The following MSRB3 variants were observed in gnomAD, a reference collection of about 807,000 sequenced individuals.
MSRB3 encodes the protein methionine-R-sulfoxide reductase B3.
In MSRB3, 13 loss-of-function variants were observed where a neutral mutation model predicts 21.0. That is an observed-to-expected ratio of 0.62 (90% CI 0.40 to 0.98). The LOEUF is 0.98. MSRB3 is among the 50% of genes least tolerant of loss of function. The pLI is 0.00. For synonymous variants in MSRB3, 87 were observed against 88.6 expected, an observed-to-expected ratio of 0.98 and a Z score of 0.10; for missense variants, 199 against 230.3, an observed-to-expected ratio of 0.86 and a Z score of 0.88.
chr12:65,454,053 T>G, intron 6 of MSRB3: 1 of 647,070 alleles, frequency 1.5e-6, no homozygotes, highest in South Asian at 1.8e-5. Flanking sequence ...GAGGGCCAAG[T>G]GGGGAGGATC....
At chr12:65,366,029 C>A (rs922486429) in intron 4 of MSRB3, among the ~76,000 whole-genome samples, 18 of 152,102 alleles carry the variant, frequency 1.2e-4, no homozygotes, top group Non-Finnish European at 1.0e-4. Context: ...ATTGCTCCTT[C>A]TATACCCAAC....
intron 1 of MSRB3, among the ~76,000 whole-genome samples, chr12:65,303,955 G>A (rs1873495032): frequency 6.6e-6 from 1 of 152,152 alleles, no homozygotes; most frequent in African/African-American, 2.4e-5. Context: ...GGGTGCGGTG[G>A]GTTGTAGAGG....
At chr12:65,398,620 C>T (rs1441947008) in intron 5 of MSRB3, among the ~76,000 whole-genome samples, 1 of 152,140 alleles carries the variant, frequency 6.6e-6, no homozygotes, top group East Asian at 1.9e-4. Flanking sequence ...AATTAGATCC[C>T]ATTTGTCAAT....
intron 5 of MSRB3, among the ~76,000 whole-genome samples, chr12:65,434,450 T>C (rs766690201): frequency 2.0e-5 from 3 of 151,972 alleles, no homozygotes; most frequent in Non-Finnish European, 4.4e-5. Context: ...TAATATGAAC[T>C]ATCACCAAGT....
Position 65,463,625 on chromosome 12 carries a change from T to C in MSRB3, c.*303T>C. ...TGGCTTCTTTTGCAGTTTTTCCCCC[T>C]TTGATTCAGAAGCAGAGGGTTCATG... On this transcript the variant is annotated 3_prime_UTR_variant, in exon 7 of 7. Coordinates refer to ENST00000308259, the MANE Select transcript of MSRB3 (RefSeq NM_001031679.3). 2.7e-6 allele frequency: 1 copy of C among 369,484 alleles called. No individual in the cohort carries two copies. The highest frequency in any genetic ancestry group is 6.8e-5 in the East Asian group (1 of 14,786). The allele number at this position is 369,484 out of a possible 1,614,324, so 22.9% of individuals were successfully genotyped here.
chr12:65,432,460 G>GAT (rs912984625), intron 5 of MSRB3, among the ~76,000 whole-genome samples: 1 of 151,938 alleles, frequency 6.6e-6, no homozygotes, highest in African/African-American at 2.4e-5. Context: ...GGGATTTAGA[G>GAT]ATATATATGT....
chr12:65,453,937 C>T lies in MSRB3; in HGVS notation c.390+112C>T, dbSNP rs769377110. ...TCACAAGAAGGACAGACAAGCATGA[C>T]GAAGTTTATATGAAGTCCGATGGAT... is the stretch of plus-strand genomic sequence containing the variant. On this transcript the variant is annotated intron_variant, in intron 6 of 6. Transcript: ENST00000308259. The T allele has an allele frequency of 4.3e-5, 38 of 881,722 alleles. No individual in the cohort carries two copies. The East Asian group carries it at 7.6e-4, about 18-fold the overall frequency. The allele number at this position is 881,722 out of a possible 1,614,324, so 54.6% of individuals were successfully genotyped here.
chr12:65,300,720 T>C (rs1298143485), intron 1 of MSRB3, among the ~76,000 whole-genome samples: 24 of 152,220 alleles, frequency 1.6e-4, no homozygotes, highest in Admixed American at 1.6e-3. Flanking sequence ...GTTTGTTCAC[T>C]GTGGTTCAGA....
At chr12:65,300,393 G>A (rs933140393) in intron 1 of MSRB3, among the ~76,000 whole-genome samples, 10 of 152,144 alleles carry the variant, frequency 6.6e-5, no homozygotes, top group African/African-American at 2.4e-4. Context: ...TAGGATAGAA[G>A]GGATGACTAA....
intron 1 of MSRB3, among the ~76,000 whole-genome samples, chr12:65,304,144 A>G (rs1460630173): frequency 6.6e-6 from 1 of 152,182 alleles, no homozygotes; most frequent in Non-Finnish European, 1.5e-5. Context: ...AGAGGCACCA[A>G]TTGAGACGAA....
intron 4 of MSRB3, among the ~76,000 whole-genome samples, chr12:65,366,503 A>C (rs1878022879): frequency 6.6e-6 from 1 of 152,172 alleles, no homozygotes; most frequent in South Asian, 2.1e-4. Flanking sequence ...CTTGCTCATC[A>C]TTGGTGGATC....
chr12:65,416,246 A>G (rs967341937), intron 5 of MSRB3, among the ~76,000 whole-genome samples: 2 of 152,152 alleles, frequency 1.3e-5, no homozygotes, highest in African/African-American at 2.4e-5. Context: ...CTAGCTCCAT[A>G]TCATTCTTGC....
chr12:65,462,021 T>C lies in MSRB3; in HGVS notation c.391-1134T>C, dbSNP rs189771008. On this transcript the variant is annotated intron_variant, in intron 6 of 6. Coordinates refer to ENST00000308259, the MANE Select transcript of MSRB3 (RefSeq NM_001031679.3). Reference sequence around the variant, plus strand: ...CACTTGTTTTCTTGTGTACTGTCTGTCTCTCCCACTAGAATGTAAGCTCTA... The same window carrying C: ...CACTTGTTTTCTTGTGTACTGTCTGCCTCTCCCACTAGAATGTAAGCTCTA... Among the ~76,000 whole-genome samples the C allele has an allele frequency of 9.2e-5, 14 of 152,302 alleles. 1 individual carries two copies. In the East Asian group the frequency reaches 2.5e-3, roughly 27 times the overall value.
At chr12:65,417,454 A>G (rs4762081) in intron 5 of MSRB3, among the ~76,000 whole-genome samples, 78,303 of 152,016 alleles carry the variant, frequency 0.52, 21,063 homozygotes, top group Non-Finnish European at 0.62. Context: ...GCTAAATCAA[A>G]CTATTTTTAA....
intron 1 of MSRB3, among the ~76,000 whole-genome samples, chr12:65,287,569 A>G (rs1031945923): frequency 1.3e-5 from 2 of 152,200 alleles, no homozygotes; most frequent in African/African-American, 4.8e-5. Context: ...GTAAGGTCAT[A>G]TCTTCCTGTA....
At chr12:65,370,738 T>G (rs1017828766) in intron 5 of MSRB3, among the ~76,000 whole-genome samples, 3 of 152,200 alleles carry the variant, frequency 2.0e-5, no homozygotes, top group South Asian at 2.1e-4. Context: ...ATGACTTATT[T>G]TTTTTCAAGT....
At chr12:65,325,243 G>A (rs1168646534) in intron 2 of MSRB3, among the ~76,000 whole-genome samples, 1 of 152,194 alleles carries the variant, frequency 6.6e-6, no homozygotes, top group Non-Finnish European at 1.5e-5. Flanking sequence ...GTTGATAACA[G>A]CAAAAATACA....
At chr12:65,435,540 T>C (rs1882075276) in intron 5 of MSRB3, among the ~76,000 whole-genome samples, 1 of 151,980 alleles carries the variant, frequency 6.6e-6, no homozygotes, top group African/African-American at 2.4e-5. Flanking sequence ...ATATTGATTT[T>C]GAACAAAGAG....
At chr12:65,302,656 G>T (rs528376911) in intron 1 of MSRB3, among the ~76,000 whole-genome samples, 1 of 152,234 alleles carries the variant, frequency 6.6e-6, no homozygotes, top group Non-Finnish European at 1.5e-5. Context: ...ATCACAAAAG[G>T]ATCTCTGTTT....
Sources: allele counts gnomAD v4.1 joint callset (sites outside exome capture counted in the v4.1 genomes callset), GRCh38; gene constraint gnomAD v4.1.1; transcripts MANE v1.5; gene names NCBI Gene and HGNC (gene_info 2026-07-23, HGNC 2026-07-21).